NOL4L: variants seen among roughly 807,000 people sequenced by gnomAD.
The protein encoded by NOL4L is nucleolar protein 4 like, also known as nucleolar protein 4-like.
NOL4L carries 7 observed loss-of-function variants against 64.5 expected under a neutral mutation model. That is an observed-to-expected ratio of 0.11 (90% confidence interval 0.06 to 0.20). The LOEUF (loss-of-function observed/expected upper bound fraction) is 0.20. Among genes scored for constraint, NOL4L ranks in the 10% least tolerant of loss-of-function variants. NOL4L has a pLI of 1.00. For synonymous variants in NOL4L, 413 were observed against 401.0 expected, an observed-to-expected ratio of 1.03 and a Z score of -0.36; for missense variants, 680 against 967.1, an observed-to-expected ratio of 0.70 and a Z score of 3.94.
intron 5 of NOL4L, among the ~76,000 whole-genome samples, chr20:32,465,825 G>A (rs1044204750): frequency 5.3e-5 from 8 of 152,180 alleles, no homozygotes; most frequent in Non-Finnish European, 1.2e-4. Context: ...CCTTGAACAG[G>A]CTCCCGGTGG....
At chr20:32,554,678 C>T (rs1419019635) in intron 1 of NOL4L, among the ~76,000 whole-genome samples, 1 of 152,114 alleles carries the variant, frequency 6.6e-6, no homozygotes, top group Non-Finnish European at 1.5e-5. Flanking sequence ...TCCCAGGAGG[C>T]CCAGAGGGCC....
intron 1 of NOL4L, among the ~76,000 whole-genome samples, chr20:32,551,909 C>A (rs973267143): frequency 2.6e-5 from 4 of 152,148 alleles, no homozygotes; most frequent in Non-Finnish European, 5.9e-5. Context: ...CCACCTCAGC[C>A]TCCAGAGTAG....
intron 1 of NOL4L, among the ~76,000 whole-genome samples, chr20:32,571,332 C>T (rs891941097): frequency 1.3e-5 from 2 of 152,140 alleles, no homozygotes; most frequent in East Asian, 1.9e-4. Flanking sequence ...GGATTATAGG[C>T]GTGTGCCACA....
chr20:32,468,357 A>C (rs1418541113), intron 5 of NOL4L, among the ~76,000 whole-genome samples: 2 of 151,986 alleles, frequency 1.3e-5, no homozygotes, highest in Non-Finnish European at 1.5e-5. Flanking sequence ...TGACCCAAGA[A>C]ACCCTCAATC....
intron 5 of NOL4L, among the ~76,000 whole-genome samples, chr20:32,461,124 G>A (rs886202345): frequency 6.6e-6 from 1 of 152,224 alleles, no homozygotes; most frequent in African/African-American, 2.4e-5. Context: ...CTGTCCCTCG[G>A]CCCCACAAGC....
chr20:32,486,061 C>A (rs953241051), intron 4 of NOL4L, among the ~76,000 whole-genome samples: 1 of 152,222 alleles, frequency 6.6e-6, no homozygotes, highest in South Asian at 2.1e-4. Flanking sequence ...CCCTGCTCAA[C>A]CCACAGAAAA....
At chr20:32,536,795 G>A (rs2018541189) in intron 1 of NOL4L, among the ~76,000 whole-genome samples, 1 of 104,578 alleles carries the variant, frequency 9.6e-6, no homozygotes, top group South Asian at 3.7e-4. Context: ...AGCCCGGCTG[G>A]GAGTGGGGGG....
chr20:32,448,100 C>G (rs914082097), intron 10 of NOL4L, among the ~76,000 whole-genome samples: 1 of 152,190 alleles, frequency 6.6e-6, no homozygotes, highest in African/African-American at 2.4e-5. Flanking sequence ...AGATCTGCCT[C>G]TCCTCAGTGT....
rs1382726702 is a variant in NOL4L, at chr20:32,579,735, G to GC, written c.321+4834dup. Among the ~76,000 whole-genome samples the GC allele has an allele frequency of 6.6e-5, 10 of 152,138 alleles. No individual in the cohort carries two copies. In the East Asian group the frequency reaches 1.7e-3, roughly 26 times the overall value. ...TGCATCACCCTGGCACCGAAATGCAGCCCCCCAGAGTTACCCAGGACCATG... is the reference window on the plus strand; with the variant it reads ...TGCATCACCCTGGCACCGAAATGCAGCCCCCCCAGAGTTACCCAGGACCATG... On this transcript the variant is annotated intron_variant, in intron 1 of 10. Transcript: ENST00000621426.
intron 4 of NOL4L, among the ~76,000 whole-genome samples, chr20:32,478,439 G>A (rs536831065): frequency 2.2e-4 from 34 of 152,134 alleles, no homozygotes; most frequent in Non-Finnish European, 4.4e-4. Context: ...CAAAACTTCT[G>A]ACCCACCTGT....
chr20:32,500,530 ATTTC>A (rs1471423147), intron 4 of NOL4L, among the ~76,000 whole-genome samples: 3 of 99,316 alleles, frequency 3.0e-5, no homozygotes, highest in Non-Finnish European at 6.2e-5. Context: ...ATTTTTTTGT[ATTTC>A]TTTCTTTTTT....
At chr20:32,504,453 G>A (rs879743428) in intron 4 of NOL4L, among the ~76,000 whole-genome samples, 29 of 151,848 alleles carry the variant, frequency 1.9e-4, no homozygotes, top group Admixed American at 5.9e-4. Context: ...CCAGCTACTC[G>A]GGAGGCTGAG....
At chr20:32,457,901 C>A (rs1357807047) in intron 5 of NOL4L, among the ~76,000 whole-genome samples, 1 of 152,236 alleles carries the variant, frequency 6.6e-6, no homozygotes, top group African/African-American at 2.4e-5. Flanking sequence ...ACACATTCCC[C>A]AGCATTTTTA....
At chr20:32,552,521 T>C (rs1228921520) in intron 1 of NOL4L, among the ~76,000 whole-genome samples, 3 of 152,050 alleles carry the variant, frequency 2.0e-5, no homozygotes, top group Non-Finnish European at 4.4e-5. Flanking sequence ...ACTCTGTCTC[T>C]ACTAAAAGTA....
intron 5 of NOL4L, among the ~76,000 whole-genome samples, chr20:32,459,149 C>T (rs1294665656): frequency 3.3e-5 from 5 of 152,126 alleles, no homozygotes; most frequent in East Asian, 1.9e-4. Flanking sequence ...GCTAGGACCT[C>T]GTATGGCCAA....
chr20:32,568,558 A>G (rs1203151747), intron 1 of NOL4L, among the ~76,000 whole-genome samples: 1 of 152,148 alleles, frequency 6.6e-6, no homozygotes, highest in Non-Finnish European at 1.5e-5. Context: ...CCTGCTCTAC[A>G]ACACTCAATG....
chr20:32,584,470 A>C, intron 1 of NOL4L, 100 bp downstream of exon 1: 2 of 972,866 alleles, frequency 2.1e-6, no homozygotes, highest in East Asian at 3.5e-5. Flanking sequence ...AACCTCAGGG[A>C]CACACGTTCG....
rs143044075 is a variant in NOL4L at position 32,519,467 on chromosome 20, C to T, written c.589+1344G>A. Reference sequence around the variant, plus strand: ...CCCTTCATTCGAGTCTGTTTCCATCCTCGGGCCTGACTTCAGCAACTTCCA... The same window carrying T: ...CCCTTCATTCGAGTCTGTTTCCATCTTCGGGCCTGACTTCAGCAACTTCCA... On this transcript the variant is annotated intron_variant, in intron 3 of 10. Transcript: ENST00000621426. 12 of 88,618 alleles carry T rather than the reference C, an allele frequency of 1.4e-4. No homozygotes were observed. The African/African-American group carries it at 1.4e-3, about 10-fold the overall frequency. The allele number at this position is 88,618 out of a possible 1,614,324, so 5.5% of individuals were successfully genotyped here.
intron 1 of NOL4L, among the ~76,000 whole-genome samples, chr20:32,558,426 G>A (rs897266079): frequency 6.6e-6 from 1 of 152,218 alleles, no homozygotes; most frequent in Non-Finnish European, 1.5e-5. Context: ...GTGTGTGTAG[G>A]GGGGCAAGCT....
Sources: gnomAD v4.1 joint callset for allele counts (sites outside exome capture counted in the v4.1 genomes callset) on GRCh38, gnomAD v4.1.1 for gene constraint, MANE v1.5 for transcripts, NCBI Gene and HGNC (gene_info 2026-07-23, HGNC 2026-07-21) for gene names.